Variants in MSRA observed in about 807,000 individuals in gnomAD.
The protein encoded by MSRA is methionine sulfoxide reductase A.
A neutral mutation model predicts 31.3 loss-of-function variants in MSRA; 54 were observed. The observed-to-expected ratio is 1.73, with a 90% confidence interval of 1.39 to 2.17. The LOEUF (loss-of-function observed/expected upper bound fraction) is 2.17, where lower values mean the gene tolerates loss of function less well. Among genes scored for constraint, MSRA ranks in the 30% most tolerant of loss-of-function variants. MSRA has a pLI of 0.00. For synonymous variants in MSRA, 169 were observed against 116.5 expected (o/e 1.45, Z -2.90); for missense variants, 507 against 300.9 (o/e 1.69, Z -5.07).
intron 3 of MSRA, among the ~76,000 whole-genome samples, chr8:10,293,499 C>T (rs1405512800): frequency 6.6e-6 from 1 of 152,248 alleles, no homozygotes; most frequent in African/African-American, 2.4e-5. Context: ...ATCTGCATCT[C>T]TGAGCATCTT....
At chr8:10,184,032 TTGG>T (rs1430603750) in intron 1 of MSRA, among the ~76,000 whole-genome samples, 3 of 150,464 alleles carry the variant, frequency 2.0e-5, no homozygotes, top group Admixed American at 6.6e-5. Flanking sequence ...GGTGTTGGTC[TTGG>T]TGGTGTTCGT....
intron 5 of MSRA, among the ~76,000 whole-genome samples, chr8:10,404,479 T>G (rs1164170024): frequency 1.3e-5 from 2 of 152,162 alleles, no homozygotes; most frequent in Non-Finnish European, 2.9e-5. Flanking sequence ...GGCTTCAAAG[T>G]GAACAGTTGG....
intron 3 of MSRA, among the ~76,000 whole-genome samples, chr8:10,267,183 C>T (rs1798790504): frequency 6.6e-6 from 1 of 152,176 alleles, no homozygotes; most frequent in Non-Finnish European, 1.5e-5. Flanking sequence ...AATTATGGTA[C>T]TTTAGATTTC....
intron 3 of MSRA, among the ~76,000 whole-genome samples, chr8:10,259,571 T>A (rs749234546): frequency 8.5e-5 from 13 of 152,136 alleles, no homozygotes; most frequent in Non-Finnish European, 1.6e-4. Flanking sequence ...CCTTTCCCCA[T>A]TCCCATTTCT....
chr8:10,419,042 G>A (rs367580532), intron 5 of MSRA, among the ~76,000 whole-genome samples: 51 of 152,132 alleles, frequency 3.4e-4, no homozygotes, highest in African/African-American at 1.1e-3. Context: ...ATCCTTGTGC[G>A]CACAAACACA....
chr8:10,325,938 A>G (rs572323583), intron 5 of MSRA, among the ~76,000 whole-genome samples: 2 of 152,354 alleles, frequency 1.3e-5, no homozygotes, highest in East Asian at 1.9e-4. Context: ...ATTATGGTCT[A>G]GAACTCTGTA....
intron 2 of MSRA, among the ~76,000 whole-genome samples, chr8:10,232,050 A>G (rs968633256): frequency 1.3e-5 from 2 of 152,220 alleles, no homozygotes; most frequent in African/African-American, 4.8e-5. Flanking sequence ...GTACAGTCTC[A>G]GGGTGGAATG....
intron 5 of MSRA, among the ~76,000 whole-genome samples, chr8:10,372,893 C>T (rs988448774): frequency 2.0e-5 from 3 of 152,192 alleles, no homozygotes; most frequent in Admixed American, 6.5e-5. Context: ...TTATTACTAA[C>T]ATTATTATTA....
At chr8:10,154,469 C>A (rs941607652) in intron 1 of MSRA, among the ~76,000 whole-genome samples, 1 of 152,028 alleles carries the variant, frequency 6.6e-6, no homozygotes, top group Non-Finnish European at 1.5e-5. Context: ...GCTCTGCCTT[C>A]CAGGTTCATG....
chr8:10,063,390 A>G (rs1023288723), intron 1 of MSRA, among the ~76,000 whole-genome samples: 2 of 152,230 alleles, frequency 1.3e-5, no homozygotes, highest in African/African-American at 4.8e-5. Context: ...GGACCTGTCC[A>G]ATGACACTCT....
chr8:10,262,605 G>A (rs1798539809), intron 3 of MSRA, among the ~76,000 whole-genome samples: 1 of 151,940 alleles, frequency 6.6e-6, no homozygotes, highest in Non-Finnish European at 1.5e-5. Context: ...GATTGTTTTG[G>A]CCTTTATCAG....
At chr8:10,275,832 A>G (rs915178236) in intron 3 of MSRA, among the ~76,000 whole-genome samples, 7 of 152,234 alleles carry the variant, frequency 4.6e-5, no homozygotes, top group African/African-American at 1.4e-4. Flanking sequence ...TCACACAGAC[A>G]AAGAGTTGCA....
intron 1 of MSRA, among the ~76,000 whole-genome samples, chr8:10,117,025 A>C (rs1374662843): frequency 1.3e-5 from 2 of 152,166 alleles, no homozygotes; most frequent in African/African-American, 4.8e-5. Context: ...ATGGTTGGTT[A>C]ACTGTATGGA....
intron 5 of MSRA, among the ~76,000 whole-genome samples, chr8:10,354,493 A>G (rs1459128049): frequency 6.6e-6 from 1 of 152,218 alleles, no homozygotes; most frequent in African/African-American, 2.4e-5. Context: ...AGGTAAGACA[A>G]TAATAGTACC....
intron 1 of MSRA, among the ~76,000 whole-genome samples, chr8:10,066,913 A>T (rs1471554421): frequency 6.6e-6 from 1 of 151,920 alleles, no homozygotes; most frequent in African/African-American, 2.4e-5. Flanking sequence ...GTTTACAGAA[A>T]AATTGAGTGG....
chr8:10,066,991 T>C (rs1412477994), intron 1 of MSRA, among the ~76,000 whole-genome samples: 1 of 152,136 alleles, frequency 6.6e-6, no homozygotes, highest in Non-Finnish European at 1.5e-5. Context: ...TTAGTTACAA[T>C]TGATGAGCCA....
chr8:10,245,244 T>C, intron 3 of MSRA, 21 bp downstream of exon 3: 1 of 1,610,840 alleles, frequency 6.2e-7, no homozygotes, highest in Non-Finnish European at 8.5e-7. Flanking sequence ...TTTGCTTTAT[T>C]GTATTACTAG....
At chr8:10,066,726 G>C (rs1409215555) in intron 1 of MSRA, among the ~76,000 whole-genome samples, 1 of 152,008 alleles carries the variant, frequency 6.6e-6, no homozygotes, top group Admixed American at 6.5e-5. Flanking sequence ...GTAGAGACTG[G>C]TTTCTACCAT....
At chr8:10,162,981 G>T (rs1013261952) in intron 1 of MSRA, among the ~76,000 whole-genome samples, 1 of 152,168 alleles carries the variant, frequency 6.6e-6, no homozygotes, top group African/African-American at 2.4e-5. Context: ...CCACAAATTC[G>T]TAAGTTAGTA....
Sources: gnomAD v4.1 joint callset for allele counts (sites outside exome capture counted in the v4.1 genomes callset) on GRCh38, gnomAD v4.1.1 for gene constraint, MANE v1.5 for transcripts, NCBI Gene and HGNC (gene_info 2026-07-23, HGNC 2026-07-21) for gene names.